TENM2: variants seen among roughly 807,000 people sequenced by gnomAD.
The protein encoded by TENM2 is teneurin transmembrane protein 2.
Under a neutral mutation model 245.2 loss-of-function variants are expected in TENM2, and 52 were observed. That is an observed-to-expected ratio of 0.21 (90% CI 0.17 to 0.27). The LOEUF (loss-of-function observed/expected upper bound fraction) is 0.27. Ranked by LOEUF, TENM2 falls within the 10% of genes least tolerant of loss-of-function variation. TENM2 has a pLI of 1.00. For synonymous variants in TENM2, 1,363 were observed against 1,438.9 expected (o/e 0.95, Z 1.19); for missense variants, 3,046 against 3,666.8 (o/e 0.83, Z 4.37).
chr5:167,790,996 A>C (rs1374692918), intron 2 of TENM2, among the ~76,000 whole-genome samples: 1 of 152,176 alleles, frequency 6.6e-6, no homozygotes, highest in Non-Finnish European at 1.5e-5. Flanking sequence ...CAACCCCCAG[A>C]ATATGATTCA....
At chr5:167,577,835 T>C (rs1432874572) in intron 2 of TENM2, among the ~76,000 whole-genome samples, 1 of 152,208 alleles carries the variant, frequency 6.6e-6, no homozygotes, top group Non-Finnish European at 1.5e-5. Flanking sequence ...CTGACGAAGA[T>C]GCAAAATATG....
intron 2 of TENM2, among the ~76,000 whole-genome samples, chr5:167,739,732 C>G (rs1761045153): frequency 6.6e-6 from 1 of 152,168 alleles, no homozygotes; most frequent in African/African-American, 2.4e-5. Context: ...CTCAGAATAC[C>G]AAACTGGTGA....
intron 2 of TENM2, among the ~76,000 whole-genome samples, chr5:167,436,832 G>A (rs1328705055): frequency 6.6e-6 from 1 of 152,346 alleles, no homozygotes; most frequent in Admixed American, 6.5e-5. Context: ...CATCTTCCAC[G>A]TGGTGTTGAG....
At chr5:167,462,571 G>A (rs544789305) in intron 2 of TENM2, among the ~76,000 whole-genome samples, 1 of 152,074 alleles carries the variant, frequency 6.6e-6, no homozygotes, top group Non-Finnish European at 1.5e-5. Context: ...GATGGATGGG[G>A]AGCTGGAAAG....
chr5:167,383,266 A>G (rs979031151), intron 2 of TENM2, among the ~76,000 whole-genome samples: 1 of 152,154 alleles, frequency 6.6e-6, no homozygotes. Flanking sequence ...ATTTTGTAGC[A>G]TATAGTTTTG....
the TENM2 span, among the ~76,000 whole-genome samples, chr5:167,164,056 A>G: frequency 2.0e-5 from 3 of 152,010 alleles, no homozygotes; most frequent in Admixed American, 2.0e-4. Flanking sequence ...GAAAAAGTAA[A>G]CCCTTTTTTT....
chr5:168,238,782 G>T (rs930847375), intron 25 of TENM2, among the ~76,000 whole-genome samples: 2 of 152,148 alleles, frequency 1.3e-5, no homozygotes, highest in African/African-American at 4.8e-5. Flanking sequence ...ACTTCCCAAA[G>T]TCTGCCCTCT....
intron 12 of TENM2, among the ~76,000 whole-genome samples, chr5:168,147,775 T>G (rs139725752): frequency 0.011 from 1,621 of 152,250 alleles, 40 homozygotes; most frequent in African/African-American, 0.037. Flanking sequence ...CATCAGAACT[T>G]ATTGGAGCTC....
chr5:167,066,544 A>G, the TENM2 span, among the ~76,000 whole-genome samples: 1 of 34,746 alleles, frequency 2.9e-5, no homozygotes, highest in African/African-American at 1.0e-4. Flanking sequence ...CCCCCTCCCC[A>G]CAACAGTCCC....
At chr5:167,570,091 G>A (rs1266753288) in intron 2 of TENM2, among the ~76,000 whole-genome samples, 1 of 152,168 alleles carries the variant, frequency 6.6e-6, no homozygotes, top group Non-Finnish European at 1.5e-5. Context: ...TAAACAGAAC[G>A]AATAATGTAC....
intron 5 of TENM2, among the ~76,000 whole-genome samples, chr5:168,039,590 G>A (rs905433001): frequency 2.0e-5 from 3 of 151,970 alleles, no homozygotes; most frequent in South Asian, 2.1e-4. Flanking sequence ...GGTGGTCTGC[G>A]GTGGGAAACG....
At chr5:168,076,386 C>T (rs1239085390) in intron 7 of TENM2, among the ~76,000 whole-genome samples, 4 of 151,808 alleles carry the variant, frequency 2.6e-5, no homozygotes, top group African/African-American at 7.3e-5. Context: ...CCACCACACC[C>T]GACTAATTTT....
At chr5:167,032,988 T>C in the TENM2 span, among the ~76,000 whole-genome samples, 1 of 152,150 alleles carries the variant, frequency 6.6e-6, no homozygotes, top group Non-Finnish European at 1.5e-5. Context: ...AAAATTAAGG[T>C]GTAATTATTG....
the TENM2 span, among the ~76,000 whole-genome samples, chr5:167,145,654 C>T: frequency 1.3e-5 from 2 of 152,178 alleles, no homozygotes; most frequent in African/African-American, 4.8e-5. Context: ...GGGGCATTTT[C>T]TCGTTGCAGC....
chr5:167,421,969 T>G (rs1309018649), intron 2 of TENM2, among the ~76,000 whole-genome samples: 1 of 152,074 alleles, frequency 6.6e-6, no homozygotes, highest in African/African-American at 2.4e-5. Context: ...TATTTGTATT[T>G]TTAGTAGAGA....
the TENM2 span, among the ~76,000 whole-genome samples, chr5:167,245,203 G>A: frequency 6.6e-6 from 1 of 152,266 alleles, no homozygotes; most frequent in Non-Finnish European, 1.5e-5. Context: ...AATGTCAAGA[G>A]AGTAGGTAAC....
intron 2 of TENM2, among the ~76,000 whole-genome samples, chr5:167,532,764 GTATATATACACA>G (rs1254665020): frequency 3.6e-5 from 5 of 138,800 alleles, no homozygotes; most frequent in East Asian, 4.3e-4. Context: ...ACACATATGT[GTATATATACACA>G]TATATATACA....
intron 5 of TENM2, among the ~76,000 whole-genome samples, chr5:168,035,146 T>A (rs1378238067): frequency 6.6e-6 from 1 of 152,214 alleles, no homozygotes; most frequent in Non-Finnish European, 1.5e-5. Flanking sequence ...ATATTTTGGA[T>A]ATATTGAGTA....
At chr5:168,180,647 G>A (rs1759785815) in intron 13 of TENM2, among the ~76,000 whole-genome samples, 1 of 152,208 alleles carries the variant, frequency 6.6e-6, no homozygotes, top group Admixed American at 6.5e-5. Context: ...TGTCATCCCA[G>A]CACTTTGGGA....
Sources: allele counts gnomAD v4.1 joint callset (sites outside exome capture counted in the v4.1 genomes callset), GRCh38; gene constraint gnomAD v4.1.1; transcripts MANE v1.5; gene names NCBI Gene and HGNC (gene_info 2026-07-23, HGNC 2026-07-21).